MACROD2: variants seen among roughly 807,000 people sequenced by gnomAD.
MACROD2 encodes the protein ADP-ribose glycohydrolase MACROD2.
MACROD2 carries 36 observed loss-of-function variants against 70.4 expected under a neutral mutation model. That is an observed-to-expected ratio of 0.51 (90% CI 0.39 to 0.68). The LOEUF is 0.68. MACROD2 is among the 30% of genes least tolerant of loss of function. MACROD2 has a pLI of 0.00. For missense variants in MACROD2, 496 were observed against 538.4 expected (o/e 0.92, Z 0.78); for synonymous variants, 172 against 178.8 (o/e 0.96, Z 0.30).
chr20:14,731,411 A>G (rs892455563), intron 5 of MACROD2, among the ~76,000 whole-genome samples: 8 of 152,184 alleles, frequency 5.3e-5, no homozygotes, highest in Admixed American at 4.6e-4. Flanking sequence ...GAAGACCAGG[A>G]AGCCCTTCCA....
At chr20:14,181,384 C>G (rs2081303849) in intron 3 of MACROD2, among the ~76,000 whole-genome samples, 1 of 151,844 alleles carries the variant, frequency 6.6e-6, no homozygotes, top group Admixed American at 6.6e-5. Flanking sequence ...CATTTCTTGA[C>G]TATATTATCC....
At chr20:15,394,054 C>A (rs1025220285) in intron 6 of MACROD2, among the ~76,000 whole-genome samples, 1 of 152,106 alleles carries the variant, frequency 6.6e-6, no homozygotes, top group Non-Finnish European at 1.5e-5. Context: ...GGCTTTCTGG[C>A]CAGAGGCTTA....
chr20:14,295,783 C>G (rs1980623), intron 3 of MACROD2, among the ~76,000 whole-genome samples: 148,972 of 151,936 alleles, frequency 0.98, 73,058 homozygotes, highest in East Asian at 1. Flanking sequence ...AGACACTGTG[C>G]GACTGAGTCT....
In MACROD2 at chr20:15,021,110, A is replaced by ATACACGTGTATGTATACACATACATG. The variant is rs2075168127; in HGVS notation, c.419-208829_419-208828insACACGTGTATGTATACACATACATGT. The stretch of plus-strand genomic sequence containing the variant: ...TACACGTGTATGTGTATACACGTGT[A>ATACACGTGTATGTATACACATACATG]TGTGTATACACGTGTGTATACACAT... On this transcript the variant is annotated intron_variant, in intron 5 of 17. Transcript: ENST00000684519. Among the ~76,000 whole-genome samples, 3 of 93,098 alleles carry ATACACGTGTATGTATACACATACATG rather than the reference A, an allele frequency of 3.2e-5. 1 individual carries two copies. Among genetic ancestry groups the ATACACGTGTATGTATACACATACATG allele is most frequent in the Non-Finnish European group, 2.3e-5 (1 of 43,202 alleles). The allele number at this position is 93,098 out of a possible 152,430, so 61.1% of individuals were successfully genotyped here.
chr20:15,507,950 G>GCT (rs1410091268), intron 8 of MACROD2, among the ~76,000 whole-genome samples: 1 of 152,170 alleles, frequency 6.6e-6, no homozygotes, highest in African/African-American at 2.4e-5. Context: ...GATGGGGAGG[G>GCT]CTCTAATTAC....
intron 6 of MACROD2, among the ~76,000 whole-genome samples, chr20:15,247,606 C>T (rs1568666488): frequency 6.6e-6 from 1 of 152,166 alleles, no homozygotes. Flanking sequence ...GGCTGCGAAA[C>T]CCTGAAGGAT....
rs941193417 is a variant in MACROD2, at chr20:15,910,393, CATGTG to C, written c.776-22882_776-22878del. Among the ~76,000 whole-genome samples the C allele has an allele frequency of 1.0e-4, 11 of 105,668 alleles. No homozygotes were observed. The Admixed American group carries it at 1.2e-3, about 11-fold the overall frequency. The allele number at this position is 105,668 out of a possible 152,430, so 69.3% of individuals were successfully genotyped here. A position where few individuals can be genotyped will look rare whatever the true frequency, so the allele number is the denominator to read the frequency against. On this transcript the variant is annotated intron_variant, in intron 10 of 17. Coordinates refer to ENST00000684519, the MANE Select transcript of MACROD2 (RefSeq NM_001351661.2). ...ATTGTGATGTGGCCAAGTCAGAGGA[CATGTG>C]TGTGTGTGTGTGTGTGTGTGTGTGT...
intron 5 of MACROD2, among the ~76,000 whole-genome samples, chr20:15,135,017 G>T (rs1304563960): frequency 3.3e-5 from 5 of 152,162 alleles, no homozygotes; most frequent in Non-Finnish European, 7.3e-5. Context: ...AAAGCAGGAA[G>T]AAGTTGAATC....
intron 5 of MACROD2, among the ~76,000 whole-genome samples, chr20:14,742,750 T>C (rs2071747573): frequency 6.6e-6 from 1 of 151,394 alleles, no homozygotes; most frequent in Admixed American, 6.6e-5. Flanking sequence ...AAAAGTAATA[T>C]AAACTTTATT....
intron 5 of MACROD2, among the ~76,000 whole-genome samples, chr20:14,975,494 C>T (rs923185198): frequency 1.3e-5 from 2 of 152,002 alleles, no homozygotes; most frequent in Non-Finnish European, 2.9e-5. Flanking sequence ...AGCAGGGTAC[C>T]TTCGACAGGT....
intron 5 of MACROD2, among the ~76,000 whole-genome samples, chr20:15,047,698 G>A (rs560756178): frequency 5.9e-5 from 9 of 152,132 alleles, no homozygotes; most frequent in Non-Finnish European, 1.3e-4. Context: ...TCTTCTGATT[G>A]GACAGAGTTT....
intron 5 of MACROD2, among the ~76,000 whole-genome samples, chr20:14,801,750 T>C (rs1412901628): frequency 1.3e-5 from 2 of 152,044 alleles, no homozygotes; most frequent in African/African-American, 4.8e-5. Context: ...TGATGATCTC[T>C]AATAGCCATT....
intron 4 of MACROD2, among the ~76,000 whole-genome samples, chr20:14,494,292 T>C (rs1035526783): frequency 1.3e-5 from 2 of 152,096 alleles, no homozygotes; most frequent in African/African-American, 2.4e-5. Context: ...TTCTTGCTCT[T>C]TCTTTTTTCT....
At chr20:14,763,821 A>C (rs2072048754) in intron 5 of MACROD2, among the ~76,000 whole-genome samples, 1 of 152,052 alleles carries the variant, frequency 6.6e-6, no homozygotes, top group Non-Finnish European at 1.5e-5. Flanking sequence ...TGTACATCTA[A>C]AACCCGGACT....
intron 5 of MACROD2, among the ~76,000 whole-genome samples, chr20:15,084,008 A>T (rs928338988): frequency 2.0e-5 from 3 of 151,258 alleles, no homozygotes; most frequent in Non-Finnish European, 4.4e-5. Flanking sequence ...GGAAGCTTGG[A>T]TTCTTATGAG....
intron 3 of MACROD2, among the ~76,000 whole-genome samples, chr20:14,269,477 T>A (rs1264237517): frequency 6.6e-6 from 1 of 152,198 alleles, no homozygotes; most frequent in Admixed American, 6.5e-5. Context: ...ATTTTTATTC[T>A]TTTTCAAGAT....
intron 5 of MACROD2, among the ~76,000 whole-genome samples, chr20:14,896,613 G>C (rs1052814357): frequency 6.6e-6 from 1 of 151,404 alleles, no homozygotes; most frequent in Non-Finnish European, 1.5e-5. Context: ...GCCTAAGAAG[G>C]TTCTCCTTAT....
At chr20:15,136,014 G>A (rs2076144790) in intron 5 of MACROD2, among the ~76,000 whole-genome samples, 1 of 148,488 alleles carries the variant, frequency 6.7e-6, no homozygotes, top group South Asian at 2.2e-4. Context: ...GGGATGTGAA[G>A]GACCTCTTCA....
chr20:14,468,587 A>T (rs918190251), intron 3 of MACROD2, among the ~76,000 whole-genome samples: 1 of 151,540 alleles, frequency 6.6e-6, no homozygotes, highest in Non-Finnish European at 1.5e-5. Context: ...ATCTTGGCTC[A>T]CTGCAACCTC....
Sources: gnomAD v4.1 joint callset for allele counts (sites outside exome capture counted in the v4.1 genomes callset) on GRCh38, gnomAD v4.1.1 for gene constraint, MANE v1.5 for transcripts, NCBI Gene and HGNC (gene_info 2026-07-23, HGNC 2026-07-21) for gene names.